Variants in DOCK8 observed in about 807,000 individuals in gnomAD.
DOCK8 encodes dedicator of cytokinesis 8, also known as dedicator of cytokinesis protein 8.
In DOCK8, 141 loss-of-function variants were observed where a neutral mutation model predicts 245.6. The observed-to-expected ratio is 0.57, with a 90% CI of 0.50 to 0.66. The LOEUF (loss-of-function observed/expected upper bound fraction) is 0.66. DOCK8 is among the 30% of genes least tolerant of loss of function. The pLI is 0.00. For missense variants in DOCK8, 2,965 were observed against 2,603.4 expected (o/e 1.14, Z -3.02); for synonymous variants, 1,168 against 970.2 (o/e 1.20, Z -3.79).
At chr9:453,101 A>G (rs755228545) in intron 46 of DOCK8, among the ~76,000 whole-genome samples, 1 of 152,240 alleles carries the variant, frequency 6.6e-6, no homozygotes, top group Non-Finnish European at 1.5e-5. Flanking sequence ...ACTCATCAAA[A>G]TGCTAGCATT....
chr9:257,992 C>T (rs111641905), intron 1 of DOCK8, among the ~76,000 whole-genome samples: 1,554 of 152,322 alleles, frequency 0.01, 29 homozygotes, highest in African/African-American at 0.036. Flanking sequence ...GAAAATACAA[C>T]AACAATTACC....
chr9:399,114 C>G (rs1204809399), intron 25 of DOCK8, 32 bp from the exon 26 acceptor site: 7 of 1,599,178 alleles, frequency 4.4e-6, no homozygotes, highest in Non-Finnish European at 6.0e-6. Flanking sequence ...GAGTGTCCCA[C>G]AAAATGATTT....
At chr9:230,318 G>A (rs1197689989) in intron 1 of DOCK8, among the ~76,000 whole-genome samples, 2 of 152,068 alleles carry the variant, frequency 1.3e-5, no homozygotes, top group Non-Finnish European at 2.9e-5. Flanking sequence ...CATTTGGGTT[G>A]GTTCCAAGTC....
intron 1 of DOCK8, among the ~76,000 whole-genome samples, chr9:233,636 C>T (rs2047174663): frequency 2.0e-5 from 3 of 152,120 alleles, no homozygotes; most frequent in African/African-American, 7.2e-5. Flanking sequence ...GAATTGATCC[C>T]TTTACCATTA....
intron 26 of DOCK8, 88 bp from the exon 27 acceptor site, chr9:404,830 G>A: frequency 7.0e-7 from 1 of 1,423,402 alleles, no homozygotes; most frequent in South Asian, 1.2e-5. Flanking sequence ...CCTTAACCTG[G>A]AGAGAAAGGA....
intron 5 of DOCK8, among the ~76,000 whole-genome samples, chr9:306,501 G>C (rs2049835206): frequency 6.6e-6 from 1 of 152,158 alleles, no homozygotes; most frequent in Non-Finnish European, 1.5e-5. Context: ...ATTTAACACA[G>C]GGAATTGATT....
At chr9:424,653 A>G in intron 33 of DOCK8, among the ~76,000 whole-genome samples, 1 of 152,090 alleles carries the variant, frequency 6.6e-6, no homozygotes, top group East Asian at 1.9e-4. Flanking sequence ...CAAGTGATCC[A>G]CCTGTTTTAA....
intron 33 of DOCK8, among the ~76,000 whole-genome samples, chr9:423,506 T>C (rs547130929): frequency 6.6e-6 from 1 of 152,348 alleles, no homozygotes; most frequent in East Asian, 1.9e-4. Context: ...AGCAGTGCTG[T>C]TTTGTAAATA....
At chr9:361,689 A>G (rs1044713019) in intron 14 of DOCK8, among the ~76,000 whole-genome samples, 2 of 152,126 alleles carry the variant, frequency 1.3e-5, no homozygotes, top group African/African-American at 4.8e-5. Context: ...AAATCAGCAA[A>G]TATTTTTTCT....
chr9:445,898 T>C (rs2057238315), intron 43 of DOCK8, among the ~76,000 whole-genome samples: 1 of 152,242 alleles, frequency 6.6e-6, no homozygotes, highest in African/African-American at 2.4e-5. Context: ...TTCTGCAAAG[T>C]AGCTGTGCAT....
chr9:359,156 T>G (rs1289549885), intron 14 of DOCK8, among the ~76,000 whole-genome samples: 3 of 152,224 alleles, frequency 2.0e-5, no homozygotes, highest in Admixed American at 6.5e-5. Context: ...CTTTGAGTAG[T>G]AAAATTTTAG....
intron 24 of DOCK8, among the ~76,000 whole-genome samples, chr9:396,550 G>A (rs1042371286): frequency 1.3e-5 from 2 of 152,134 alleles, no homozygotes; most frequent in Admixed American, 1.3e-4. Context: ...CAGCAAGAAG[G>A]GAGCCTCTGA....
At chr9:242,864 CAG>C (rs2047407905) in intron 1 of DOCK8, among the ~76,000 whole-genome samples, 1 of 151,192 alleles carries the variant, frequency 6.6e-6, no homozygotes, top group African/African-American at 2.4e-5. Context: ...TCAGATGAGA[CAG>C]AGGATTTACT....
chr9:246,049 G>C (rs2047498530), intron 1 of DOCK8, among the ~76,000 whole-genome samples: 1 of 152,024 alleles, frequency 6.6e-6, no homozygotes, highest in African/African-American at 2.4e-5. Flanking sequence ...GTGAAACCTA[G>C]TCTCTACTAA....
chr9:235,951 T>C (rs969021551), intron 1 of DOCK8, among the ~76,000 whole-genome samples: 1 of 152,222 alleles, frequency 6.6e-6, no homozygotes, highest in Non-Finnish European at 1.5e-5. Flanking sequence ...ATGAACCCGG[T>C]ACCTCAGTTG....
chr9:246,314 T>C lies in DOCK8; in HGVS notation c.54-25313T>C, dbSNP rs1342284744. Among the ~76,000 whole-genome samples the C allele has an allele frequency of 2.0e-5, 3 of 151,700 alleles. 1 individual carries two copies. In the East Asian group the frequency reaches 5.8e-4, roughly 29 times the overall value. ...CTGGACAATTCTTTGAAGCCAGGAGTTTGAGACCAGCCTGGGCAACATAGC... is the reference window on the plus strand; with the variant it reads ...CTGGACAATTCTTTGAAGCCAGGAGCTTGAGACCAGCCTGGGCAACATAGC... On this transcript the variant is annotated intron_variant, in intron 1 of 47. Transcript: ENST00000432829.
chr9:286,457 C>G lies in DOCK8; in HGVS notation c.157-4C>G, dbSNP rs748270658. 15 of 1,613,568 alleles carry G rather than the reference C, an allele frequency of 9.3e-6. No homozygotes were observed. The African/African-American group carries it at 2.0e-4, about 22-fold the overall frequency. Reference sequence around the variant, plus strand: ...CCTCCTTTTCCTTTTCCCTGCCCCTCCAGCCTCAGTTTTATGACCCTGTGG... The same window carrying G: ...CCTCCTTTTCCTTTTCCCTGCCCCTGCAGCCTCAGTTTTATGACCCTGTGG... On this transcript the variant is annotated splice_polypyrimidine_tract_variant and splice_region_variant and intron_variant, in intron 2 of 47. Transcript: ENST00000432829.
At chr9:438,936 A>G (rs917873074) in intron 39 of DOCK8, among the ~76,000 whole-genome samples, 1 of 152,236 alleles carries the variant, frequency 6.6e-6, no homozygotes, top group African/African-American at 2.4e-5. Context: ...CCAGGACACC[A>G]GCCCTATGTC....
chr9:255,883 T>C (rs923040091), intron 1 of DOCK8, among the ~76,000 whole-genome samples: 3 of 152,158 alleles, frequency 2.0e-5, no homozygotes, highest in African/African-American at 7.2e-5. Flanking sequence ...GAAGGGTTGG[T>C]ATTTTTATTC....
Sources: allele counts gnomAD v4.1 joint callset (sites outside exome capture counted in the v4.1 genomes callset), GRCh38; gene constraint gnomAD v4.1.1; transcripts MANE v1.5; gene names NCBI Gene and HGNC (gene_info 2026-07-23, HGNC 2026-07-21).